ZFR2: variants seen among roughly 807,000 people sequenced by gnomAD.
ZFR2 encodes the protein zinc finger RNA binding protein 2.
ZFR2 carries 104 observed loss-of-function variants against 105.7 expected under a neutral mutation model. The ratio of observed to expected loss-of-function variants is 0.98; its 90% CI spans 0.84 to 1.16. The LOEUF (loss-of-function observed/expected upper bound fraction) is 1.16, where lower values mean the gene tolerates loss of function less well. Among genes scored for constraint, ZFR2 ranks in the 50% most tolerant of loss-of-function variants. ZFR2 has a pLI of 0.00. For missense variants in ZFR2, 1,425 were observed against 1,355.5 expected, an observed-to-expected ratio of 1.05 and a Z score of -0.80; for synonymous variants, 634 against 597.7, an observed-to-expected ratio of 1.06 and a Z score of -0.89.
chr19:3,812,657 G>A (rs957813869), intron 14 of ZFR2, among the ~76,000 whole-genome samples: 32 of 152,044 alleles, frequency 2.1e-4, no homozygotes, highest in Admixed American at 8.5e-4. Flanking sequence ...TTCAGCTAGC[G>A]CCAAAAGCCA....
At chr19:3,859,302 T>C (rs1599257038) in intron 1 of ZFR2, among the ~76,000 whole-genome samples, 2 of 152,214 alleles carry the variant, frequency 1.3e-5, no homozygotes, top group African/African-American at 4.8e-5. Context: ...CTCGGGCCTT[T>C]GGCCACAGAC....
At chr19:3,818,962 G>A (rs1233236788) in intron 12 of ZFR2, 83 bp downstream of exon 12, 4 of 1,500,308 alleles carry the variant, frequency 2.7e-6, no homozygotes, top group Non-Finnish European at 2.7e-6. Context: ...TCAGAGCTAG[G>A]GGTTCCTGCA....
intron 1 of ZFR2, among the ~76,000 whole-genome samples, chr19:3,850,056 C>T (rs117125929): frequency 0.016 from 2,510 of 152,236 alleles, 36 homozygotes; most frequent in Non-Finnish European, 0.025. Context: ...CCCACCCTGT[C>T]CCGCCACTCT....
rs1056630275 is a variant in ZFR2, at chr19:3,823,318, G to C, written c.1299C>G (p.Thr433=). ...QPKLEGPGAP[T]QGGSKEAPAG... is the part of the protein sequence containing the mutation. ...CGGGAGCTTCCTTTGAGCCTCCTTGGGTAGGTGCTCCGGGACCCTCTAATT... is the reference window on the plus strand; with the variant it reads ...CGGGAGCTTCCTTTGAGCCTCCTTGCGTAGGTGCTCCGGGACCCTCTAATT... The change falls in exon 8 of 19, where the codon ACC becomes ACG. Residue 433 remains threonine, a synonymous_variant. Transcript: ENST00000262961. The surrounding 1 kb of genome is among the most constrained non-coding windows in gnomAD (Gnocchi z 5.4). 6.2e-7 allele frequency: 1 copy of C among 1,614,016 alleles called. No homozygotes were observed. Among genetic ancestry groups the C allele is most frequent in the African/African-American group, 1.3e-5 (1 of 75,062 alleles).
chr19:3,829,521 T>C (rs1261197929), intron 5 of ZFR2, among the ~76,000 whole-genome samples: 3 of 151,704 alleles, frequency 2.0e-5, no homozygotes, highest in Non-Finnish European at 4.4e-5. Flanking sequence ...GGGGGTTTTG[T>C]TTTTTTGTGG....
At chr19:3,849,577 A>C (rs2038215680) in intron 1 of ZFR2, among the ~76,000 whole-genome samples, 1 of 152,240 alleles carries the variant, frequency 6.6e-6, no homozygotes, top group Non-Finnish European at 1.5e-5. Flanking sequence ...TGACCAGTTA[A>C]GAACTGATGG....
Position 3,813,451 on chromosome 19 carries a change from G to A in ZFR2, c.2242+369C>T, listed in dbSNP as rs557448427. ...ATGGACAGAGTCAAACTGAGCTTCT[G>A]CCGTGACCCAGGGGAAATGGCTCAG... On this transcript the variant is annotated intron_variant, in intron 14 of 18. Coordinates refer to ENST00000262961, the MANE Select transcript of ZFR2 (RefSeq NM_015174.2). This position sits in a 1 kb window ranked among gnomAD's most constrained non-coding sequence, Gnocchi z 4.4. Among the ~76,000 whole-genome samples, 1 of 152,276 alleles carries A rather than the reference G, an allele frequency of 6.6e-6. No homozygotes were observed. Among genetic ancestry groups the A allele is most frequent in the East Asian group, 1.9e-4 (1 of 5,172 alleles).
At chr19:3,811,156 C>G (rs2037759451) in intron 15 of ZFR2, 116 bp downstream of exon 15, 2 of 1,033,154 alleles carry the variant, frequency 1.9e-6, no homozygotes, top group East Asian at 2.8e-5. Context: ...GCAGGCGTCC[C>G]GGTCTGCGCT....
intron 11 of ZFR2, 106 bp downstream of exon 11, chr19:3,820,076 G>C (rs1272741020): frequency 1.7e-5 from 19 of 1,109,108 alleles, no homozygotes; most frequent in Non-Finnish European, 2.4e-5. Context: ...CATCCCCTGA[G>C]TACTATGTGG....
At chr19:3,846,711 C>T (rs1177870385) in intron 1 of ZFR2, among the ~76,000 whole-genome samples, 1 of 152,174 alleles carries the variant, frequency 6.6e-6, no homozygotes, top group East Asian at 1.9e-4. Context: ...TAATTGTTTA[C>T]TTGTTTGAAA....
rs1459492389 is a variant in ZFR2 at position 3,813,032 on chromosome 19, A to G, written c.2242+788T>C. ...GCGGCGGAAGTTGCAGTGAGCTGAG[A>G]TTGCGCCATTGCACTCCAGCCTGGG... On this transcript the variant is annotated intron_variant, in intron 14 of 18. Transcript: ENST00000262961. This position sits in a 1 kb window ranked among gnomAD's most constrained non-coding sequence, Gnocchi z 4.4. 6.6e-6 allele frequency among the ~76,000 whole-genome samples: 1 copy of G among 152,186 alleles called. No homozygotes were observed. Among genetic ancestry groups the G allele is most frequent in the Non-Finnish European group, 1.5e-5 (1 of 68,038 alleles).
chr19:3,816,955 C>A, intron 12 of ZFR2, 110 bp from the exon 13 acceptor site: 6 of 974,926 alleles, frequency 6.2e-6, no homozygotes, highest in Non-Finnish European at 7.5e-6. Flanking sequence ...CCTCTCTGTG[C>A]CTCGGCATCC....
intron 12 of ZFR2, among the ~76,000 whole-genome samples, chr19:3,817,785 AGGGCAGCTTCCT>A (rs1414256997): frequency 6.9e-6 from 1 of 144,960 alleles, no homozygotes; most frequent in African/African-American, 2.5e-5. Context: ...AAAAAAGGAG[AGGGCAGCTTCCT>A]GGGCGCTCCT....
In ZFR2 at chr19:3,816,771, C is replaced by T. The variant is rs1279681859; in HGVS notation, c.2006G>A (p.Arg669His). 4.3e-6 allele frequency: 7 copies of T among 1,609,962 alleles called. No homozygotes were observed. In the Admixed American group the frequency reaches 6.7e-5, roughly 15 times the overall value. The stretch of plus-strand genomic sequence containing the variant: ...AGCGAGGCGCACGTTCCTGTCCCCA[C>T]GCAGGAGGAGGCCTTTCGCCAGGAT... ...VGILAKGLLL[R>H]GDRNVRLALL... Residue 669 changes from arginine (R) to histidine (H), a missense_variant, in exon 13 of 19, where the codon CGT (arginine) becomes CAT (histidine). Coordinates refer to ENST00000262961, the MANE Select transcript of ZFR2 (RefSeq NM_015174.2).
Position 3,831,475 on chromosome 19 carries a change from G to T in ZFR2, c.680C>A (p.Pro227Gln). 5 of 1,547,342 alleles carry T rather than the reference G, an allele frequency of 3.2e-6. No homozygotes were observed. Among genetic ancestry groups the T allele is most frequent in the Non-Finnish European group, 4.4e-6 (5 of 1,145,434 alleles). The change falls in exon 5 of 19, where the codon CCG (proline) becomes CAG (glutamine). Residue 227 changes from proline to glutamine, a missense_variant. Coordinates refer to ENST00000262961, the MANE Select transcript of ZFR2 (RefSeq NM_015174.2). The part of the protein sequence containing the change: ...FYPPAQPPPP[P>Q]GPPQQLPPPP... The stretch of plus-strand genomic sequence containing the variant: ...CGGGGGCAGCTGCTGCGGGGGTCCC[G>T]GGGGAGGCGGGGGCTGCGCTGGAGG...
rs1323806927 is a variant in ZFR2, at chr19:3,820,163, CAG to C, written c.1740+17_1740+18del. On this transcript the variant is annotated intron_variant, in intron 11 of 18. Transcript: ENST00000262961. ...GTGTGAGGTCGCCCGCGTTTGCACA[CAG>C]AGGAAACTGTACCTACCTGGAGTGG... The C allele has an allele frequency of 2.6e-6, 4 of 1,550,574 alleles. No individual in the cohort carries two copies. In the South Asian group the frequency reaches 4.8e-5, roughly 18 times the overall value.
chr19:3,824,350 C>T (rs1045010245), intron 7 of ZFR2, among the ~76,000 whole-genome samples: 2 of 152,108 alleles, frequency 1.3e-5, no homozygotes, highest in Non-Finnish European at 2.9e-5. Context: ...GGAGGTAAAG[C>T]GAAGCAATGC....
At chr19:3,821,228 C>A in intron 10 of ZFR2, 112 bp downstream of exon 10, 1 of 1,371,168 alleles carries the variant, frequency 7.3e-7, no homozygotes, top group Non-Finnish European at 9.5e-7. Flanking sequence ...CCCCCCACTG[C>A]TCGAGAGCTC....
rs1568415057 is a variant in ZFR2 at position 3,807,106 on chromosome 19, C to T, written c.2643+66G>A. On this transcript the variant is annotated intron_variant, in intron 18 of 18. Coordinates refer to ENST00000262961, the MANE Select transcript of ZFR2 (RefSeq NM_015174.2). ...GGGAAACCCAGGCCATTTCGGGGAA[C>T]ACTGCACAGCTGCAAGCCGGAGCTG... 5 of 1,247,888 alleles carry T rather than the reference C, an allele frequency of 4.0e-6. No individual in the cohort carries two copies. In the East Asian group the frequency reaches 1.3e-4, roughly 32 times the overall value. 77.3% of individuals were successfully genotyped at this position (1,247,888 alleles called of 1,614,324 possible). A position where few individuals can be genotyped will look rare whatever the true frequency, so the allele number is the denominator to read the frequency against.
Sources: allele counts gnomAD v4.1 joint callset (sites outside exome capture counted in the v4.1 genomes callset), GRCh38; gene constraint gnomAD v4.1.1; non-coding constraint Gnocchi (gnomAD v3.1); transcripts MANE v1.5; gene names NCBI Gene and HGNC (gene_info 2026-07-23, HGNC 2026-07-21).